The following TMEM178B variants were observed in gnomAD, a reference collection of about 807,000 sequenced individuals.
TMEM178B encodes the protein transmembrane protein 178B.
Under a neutral mutation model 31.0 loss-of-function variants are expected in TMEM178B, and 5 were observed. The ratio of observed to expected loss-of-function variants is 0.16; its 90% CI spans 0.08 to 0.34. The LOEUF is 0.34. TMEM178B is among the 10% of genes least tolerant of loss of function. TMEM178B has a pLI of 1.00. For synonymous variants in TMEM178B, 164 were observed against 164.0 expected (o/e 1.00, Z 0.00); for missense variants, 275 against 400.3 (o/e 0.69, Z 2.67).
At chr7:141,114,416 C>T (rs1795285996) in intron 1 of TMEM178B, among the ~76,000 whole-genome samples, 1 of 151,510 alleles carries the variant, frequency 6.6e-6, no homozygotes, top group South Asian at 2.1e-4. Flanking sequence ...CTCCCTTCAG[C>T]TGCACTGTAT....
At chr7:141,252,691 C>T (rs1014218798) in intron 2 of TMEM178B, among the ~76,000 whole-genome samples, 3 of 152,226 alleles carry the variant, frequency 2.0e-5, no homozygotes, top group Non-Finnish European at 4.4e-5. Context: ...ATATATACAG[C>T]TCCTGGATCT....
chr7:141,437,487 C>T (rs1408459291), intron 2 of TMEM178B, 121 bp from the exon 3 acceptor site: 1 of 1,294,992 alleles, frequency 7.7e-7, no homozygotes, highest in African/African-American at 1.5e-5. Context: ...CTGAGAAGGG[C>T]AGGTTGCCTT....
intron 2 of TMEM178B, among the ~76,000 whole-genome samples, chr7:141,336,528 C>T (rs1253524485): frequency 6.6e-6 from 1 of 152,050 alleles, no homozygotes; most frequent in Non-Finnish European, 1.5e-5. Context: ...GTAACACCTA[C>T]CTGTTTGGGC....
At chr7:141,109,072 G>A (rs527953926) in intron 1 of TMEM178B, among the ~76,000 whole-genome samples, 11 of 152,134 alleles carry the variant, frequency 7.2e-5, no homozygotes, top group South Asian at 6.2e-4. Context: ...AGGAGAGACC[G>A]CCCCCATGAT....
chr7:141,489,624 A>G, the TMEM178B span, among the ~76,000 whole-genome samples: 3 of 150,644 alleles, frequency 2.0e-5, no homozygotes, highest in African/African-American at 7.4e-5. Flanking sequence ...CAGTCCCTTC[A>G]TGTGTGTGTC....
intron 3 of TMEM178B, among the ~76,000 whole-genome samples, chr7:141,467,117 C>T (rs777589198): frequency 6.6e-6 from 1 of 152,086 alleles, no homozygotes. Context: ...GCAGGCTGAC[C>T]AACAGAAGTC....
At chr7:141,467,092 C>A (rs1017773238) in intron 3 of TMEM178B, among the ~76,000 whole-genome samples, 1 of 152,080 alleles carries the variant, frequency 6.6e-6, no homozygotes, top group South Asian at 2.1e-4. Context: ...ACCTTTGCCC[C>A]ACACAAGGAT....
intron 2 of TMEM178B, among the ~76,000 whole-genome samples, chr7:141,372,025 C>G (rs1383060395): frequency 6.6e-6 from 1 of 152,154 alleles, no homozygotes; most frequent in Non-Finnish European, 1.5e-5. Flanking sequence ...CAGCTAATCC[C>G]CCACATCCTT....
At chr7:141,401,771 C>T (rs1199933461) in intron 2 of TMEM178B, among the ~76,000 whole-genome samples, 1 of 152,140 alleles carries the variant, frequency 6.6e-6, no homozygotes, top group East Asian at 1.9e-4. Flanking sequence ...ATCTGCCTTG[C>T]TGTTGGATGG....
rs1449930555 is a variant in TMEM178B at position 141,473,837 on chromosome 7, T to G, written c.*3051T>G. On this transcript the variant is annotated 3_prime_UTR_variant, in exon 4 of 4. Coordinates refer to ENST00000565468, the MANE Select transcript of TMEM178B (RefSeq NM_001195278.2). ...CTGGCCAATGGGAGGACTTCTCAGG[T>G]GACCTTGATCCCTCTAGCATAAGGG... The G allele has an allele frequency of 6.6e-6, 1 of 152,186 alleles. No individual in the cohort carries two copies. The highest frequency in any genetic ancestry group is 2.4e-5 in the African/African-American group (1 of 41,430). 9.4% of individuals were successfully genotyped at this position (152,186 alleles called of 1,614,324 possible).
chr7:141,154,731 C>T (rs1012924906), intron 1 of TMEM178B, among the ~76,000 whole-genome samples: 3 of 141,224 alleles, frequency 2.1e-5, no homozygotes, highest in Non-Finnish European at 4.7e-5. Flanking sequence ...AACTTGTTAA[C>T]TTTTTTTTTT....
chr7:141,249,607 A>G (rs1051869239), intron 2 of TMEM178B, among the ~76,000 whole-genome samples: 1 of 152,182 alleles, frequency 6.6e-6, no homozygotes, highest in African/African-American at 2.4e-5. Flanking sequence ...GGATGCTGAC[A>G]CTGAACTCTG....
At chr7:141,125,753 C>A (rs113487512) in intron 1 of TMEM178B, among the ~76,000 whole-genome samples, 1 of 151,644 alleles carries the variant, frequency 6.6e-6, no homozygotes. Context: ...TGAAACCTAC[C>A]GGAAAATGAA....
At chr7:141,421,204 C>A (rs1009364583) in intron 2 of TMEM178B, among the ~76,000 whole-genome samples, 2 of 152,154 alleles carry the variant, frequency 1.3e-5, no homozygotes, top group Non-Finnish European at 2.9e-5. Flanking sequence ...CTTTAGGCCC[C>A]TTCTCCATCA....
At chr7:141,375,911 C>T (rs1225555696) in intron 2 of TMEM178B, among the ~76,000 whole-genome samples, 2 of 152,182 alleles carry the variant, frequency 1.3e-5, no homozygotes, top group Non-Finnish European at 2.9e-5. Context: ...TGGCCATCGG[C>T]CTGCAGGAGT....
intron 2 of TMEM178B, among the ~76,000 whole-genome samples, chr7:141,281,654 C>G (rs1397364172): frequency 6.6e-6 from 1 of 152,142 alleles, no homozygotes; most frequent in Non-Finnish European, 1.5e-5. Flanking sequence ...ACACAGAGAC[C>G]TCTTTCTGGG....
chr7:141,156,782 G>T (rs1796077800), intron 1 of TMEM178B, among the ~76,000 whole-genome samples: 1 of 152,194 alleles, frequency 6.6e-6, no homozygotes, highest in South Asian at 2.1e-4. Context: ...TGATGAGATA[G>T]GGTGGGATGG....
intron 1 of TMEM178B, among the ~76,000 whole-genome samples, chr7:141,113,588 C>T (rs979549156): frequency 6.6e-6 from 1 of 152,208 alleles, no homozygotes; most frequent in Non-Finnish European, 1.5e-5. Context: ...GGAAGCCATT[C>T]CTAATTACCC....
At chr7:141,079,277 A>G (rs1295323746) in intron 1 of TMEM178B, among the ~76,000 whole-genome samples, 2 of 152,098 alleles carry the variant, frequency 1.3e-5, no homozygotes, top group Non-Finnish European at 2.9e-5. Context: ...ACAGAGCGAG[A>G]CTCTGTCTCA....
Sources: allele counts gnomAD v4.1 joint callset (sites outside exome capture counted in the v4.1 genomes callset), GRCh38; gene constraint gnomAD v4.1.1; transcripts MANE v1.5; gene names NCBI Gene and HGNC (gene_info 2026-07-23, HGNC 2026-07-21).